MCPH1: variants seen among roughly 807,000 people sequenced by gnomAD.
MCPH1 encodes microcephalin.
Under a neutral mutation model 84.5 loss-of-function variants are expected in MCPH1, and 104 were observed. The observed-to-expected ratio is 1.23, with a 90% CI of 1.05 to 1.45. The LOEUF (loss-of-function observed/expected upper bound fraction) is 1.45, where lower values mean the gene tolerates loss of function less well. Among genes scored for constraint, MCPH1 ranks in the 40% most tolerant of loss-of-function variants. The pLI is 0.00. For missense variants in MCPH1, 1,498 were observed against 1,005.7 expected, an observed-to-expected ratio of 1.49 and a Z score of -6.62; for synonymous variants, 514 against 366.8, an observed-to-expected ratio of 1.40 and a Z score of -4.58.
intron 12 of MCPH1, among the ~76,000 whole-genome samples, chr8:6,583,631 CT>C (rs1827740159): frequency 6.6e-6 from 1 of 152,280 alleles, no homozygotes; most frequent in East Asian, 1.9e-4. Context: ...AAGGGAGGAG[CT>C]GGCCTGGAGT....
At chr8:6,577,504 A>G (rs371470730) in intron 12 of MCPH1, among the ~76,000 whole-genome samples, 44 of 152,316 alleles carry the variant, frequency 2.9e-4, no homozygotes, top group African/African-American at 1.0e-3. Context: ...CTTCCAGATA[A>G]TTTTTCAAGA....
At chr8:6,549,041 G>T (rs771121247) in intron 12 of MCPH1, among the ~76,000 whole-genome samples, 1 of 152,196 alleles carries the variant, frequency 6.6e-6, no homozygotes, top group Admixed American at 6.5e-5. Context: ...ACCACTCAGC[G>T]TATTTTCTGC....
intron 2 of MCPH1, among the ~76,000 whole-genome samples, chr8:6,411,211 T>G (rs568774660): frequency 6.6e-6 from 1 of 152,318 alleles, no homozygotes; most frequent in Non-Finnish European, 1.5e-5. Context: ...GCAGCCTGTT[T>G]GAACTGTACG....
At chr8:6,449,405 A>G (rs1327687432) in intron 8 of MCPH1, among the ~76,000 whole-genome samples, 2 of 152,150 alleles carry the variant, frequency 1.3e-5, no homozygotes, top group Non-Finnish European at 2.9e-5. Context: ...AGGCCGAGGT[A>G]GGTGGATCAC....
At chr8:6,500,424 A>G in intron 12 of MCPH1, 1 of 156,968 alleles carries the variant, frequency 6.4e-6, no homozygotes, top group Non-Finnish European at 1.4e-5. Context: ...TGGATAATTT[A>G]AAGTTTGCTT....
chr8:6,483,484 G>T (rs1473615507), intron 11 of MCPH1, among the ~76,000 whole-genome samples: 3 of 152,212 alleles, frequency 2.0e-5, no homozygotes, highest in Non-Finnish European at 2.9e-5. Flanking sequence ...AACAGACAGA[G>T]AATCCAGAAA....
chr8:6,595,264 G>T (rs948145909), intron 12 of MCPH1, among the ~76,000 whole-genome samples: 2 of 152,176 alleles, frequency 1.3e-5, no homozygotes, highest in African/African-American at 4.8e-5. Context: ...TCCAGCAGAG[G>T]AGACACACAG....
chr8:6,478,991 G>A (rs542706480), intron 10 of MCPH1, among the ~76,000 whole-genome samples: 1 of 152,350 alleles, frequency 6.6e-6, no homozygotes, highest in East Asian at 1.9e-4. Flanking sequence ...AAGGCTGGGT[G>A]TGTTGGTTCA....
rs191581223 is a variant in MCPH1 at position 6,422,950 on chromosome 8, A to T, written c.233+8067A>T. ...TGATCCGCCCTCCTCGGTCTCCCAA[A>T]GTGCTAGGATTACAGGCGTGAGCCA... is the stretch of plus-strand genomic sequence containing the variant. On this transcript the variant is annotated intron_variant, in intron 3 of 13. Transcript: ENST00000344683. Among the ~76,000 whole-genome samples, 47 of 151,520 alleles carry T rather than the reference A, an allele frequency of 3.1e-4. 2 individuals carry two copies. Among genetic ancestry groups the T allele is most frequent in the African/African-American group, 1.1e-3 (47 of 41,082 alleles).
At position 6,608,153 on chromosome 8, in the gene MCPH1, C is replaced by G. The variant is rs567446552; in HGVS notation, c.2215-13301C>G. On this transcript the variant is annotated intron_variant, in intron 12 of 13. Transcript: ENST00000344683. ...AGGAAAGGCAGACAGAGCTGACTCA[C>G]GTGCGAGGGTGGGAGAGGTCGCACG... Among the ~76,000 whole-genome samples the G allele has an allele frequency of 1.3e-3, 196 of 152,248 alleles. 2 individuals carry two copies. Among genetic ancestry groups the G allele is most frequent in the Non-Finnish European group, 2.2e-3 (148 of 68,016 alleles).
chr8:6,628,476 A>C (rs1426495511), intron 13 of MCPH1, among the ~76,000 whole-genome samples: 12 of 149,052 alleles, frequency 8.1e-5, no homozygotes, highest in African/African-American at 2.8e-4. Flanking sequence ...TCTCAAAAAA[A>C]AAAAAAAAAA....
intron 13 of MCPH1, 133 bp from the exon 14 acceptor site, chr8:6,642,861 G>T (rs1257391176): frequency 1.8e-5 from 14 of 772,246 alleles, no homozygotes; most frequent in East Asian, 8.0e-5. Context: ...CTATGGACGT[G>T]GGGGGGCCTA....
intron 11 of MCPH1, among the ~76,000 whole-genome samples, chr8:6,489,285 G>T (rs547443263): frequency 6.6e-6 from 1 of 152,098 alleles, no homozygotes; most frequent in East Asian, 1.9e-4. Flanking sequence ...TGATCTCTGG[G>T]CTGTGCCCCT....
At chr8:6,501,542 T>G (rs545852034) in intron 12 of MCPH1, 1 of 151,672 alleles carries the variant, frequency 6.6e-6, no homozygotes, top group African/African-American at 2.4e-5. Context: ...TTCTCAAATT[T>G]TCTTTTCTTT....
At chr8:6,594,466 A>C (rs1330037322) in intron 12 of MCPH1, among the ~76,000 whole-genome samples, 4 of 152,176 alleles carry the variant, frequency 2.6e-5, no homozygotes, top group Admixed American at 2.6e-4. Flanking sequence ...CCCTCATAGA[A>C]GCTCCTAGGG....
At chr8:6,637,341 T>C (rs1026536693) in intron 13 of MCPH1, among the ~76,000 whole-genome samples, 1 of 152,182 alleles carries the variant, frequency 6.6e-6, no homozygotes, top group Non-Finnish European at 1.5e-5. Context: ...TGAGTGGCAT[T>C]TGAGCTGAGG....
intron 3 of MCPH1, among the ~76,000 whole-genome samples, chr8:6,428,560 T>G (rs1801393032): frequency 6.6e-6 from 1 of 152,224 alleles, no homozygotes; most frequent in South Asian, 2.1e-4. Flanking sequence ...TAGTCTACTT[T>G]CTTTCTCTGT....
intron 12 of MCPH1, among the ~76,000 whole-genome samples, chr8:6,505,997 C>G (rs13269184): frequency 2.3e-5 from 3 of 132,894 alleles, no homozygotes; most frequent in African/African-American, 8.5e-5. Flanking sequence ...AAAACATATA[C>G]ATATTCTTTA....
In MCPH1 at chr8:6,426,481, A is replaced by G. The variant is rs11137027; in HGVS notation, c.234-5018A>G. On this transcript the variant is annotated intron_variant, in intron 3 of 13. Coordinates refer to ENST00000344683, the MANE Select transcript of MCPH1 (RefSeq NM_024596.5). ...TTTGTGCCTGACATCACTGAAGGTG[A>G]TGTTTTTGCGATCTGTCCGTGTTGT... 7.1e-3 allele frequency among the ~76,000 whole-genome samples: 1,083 copies of G among 152,292 alleles called. 6 individuals are homozygous for G. Among genetic ancestry groups the G allele is most frequent in the Admixed American group, 0.012 (186 of 15,302 alleles).
Sources: allele counts gnomAD v4.1 joint callset (sites outside exome capture counted in the v4.1 genomes callset), GRCh38; gene constraint gnomAD v4.1.1; transcripts MANE v1.5; gene names NCBI Gene and HGNC (gene_info 2026-07-23, HGNC 2026-07-21).